Variants in TRNAU1AP observed in about 807,000 individuals in gnomAD.
The protein encoded by TRNAU1AP is tRNA selenocysteine 1 associated protein 1, also known as tRNA selenocysteine 1-associated protein 1.
In TRNAU1AP, 33 loss-of-function variants were observed where a neutral mutation model predicts 43.3. The ratio of observed to expected loss-of-function variants is 0.76; its 90% CI spans 0.58 to 1.02. The LOEUF is 1.02. TRNAU1AP is among the 50% of genes least tolerant of loss of function. The pLI is 0.00. For synonymous variants in TRNAU1AP, 143 were observed against 129.1 expected (o/e 1.11, Z -0.73); for missense variants, 290 against 362.7 (o/e 0.80, Z 1.63).
At chr1:28,561,308 C>T in intron 3 of TRNAU1AP, 38 bp from the exon 4 acceptor site, 2 of 1,613,230 alleles carry the variant, frequency 1.2e-6, no homozygotes, top group Non-Finnish European at 8.5e-7. Context: ...CTTGAAACAC[C>T]TTTCTCTGTT....
chr1:28,560,558 G>C, intron 2 of TRNAU1AP, 75 bp from the exon 3 acceptor site: 1 of 1,232,762 alleles, frequency 8.1e-7, no homozygotes, highest in Non-Finnish European at 1.2e-6. Flanking sequence ...TTATATGCGT[G>C]AGCCATCACG....
intron 2 of TRNAU1AP, among the ~76,000 whole-genome samples, chr1:28,558,873 C>T (rs187057541): frequency 4.6e-5 from 7 of 152,134 alleles, no homozygotes; most frequent in Non-Finnish European, 7.4e-5. Flanking sequence ...CGAAACTGGA[C>T]GTTTTCTTAC....
chr1:28,571,786 A>AAAAAAAAAAAAAAAATAAAATAAAAT, intron 7 of TRNAU1AP, 81 bp from the exon 8 acceptor site: 1 of 1,008,578 alleles, frequency 9.9e-7, no homozygotes, highest in Non-Finnish European at 1.5e-6. Context: ...CCACCTCAAA[A>AAAAAAAAAAAAAAAATAAAATAAAAT]AAAATAAAAA....
chr1:28,555,010 G>T (rs1386888259), intron 2 of TRNAU1AP, among the ~76,000 whole-genome samples: 1 of 151,908 alleles, frequency 6.6e-6, no homozygotes, highest in African/African-American at 2.4e-5. Context: ...AGGCGAGAAG[G>T]GTGGATCACC....
At chr1:28,558,062 ATTTT>A (rs998976595) in intron 2 of TRNAU1AP, among the ~76,000 whole-genome samples, 3 of 122,114 alleles carry the variant, frequency 2.5e-5, no homozygotes, top group Non-Finnish European at 3.3e-5. Context: ...TGCCTGGCTA[ATTTT>A]TTTTTTTTTT....
chr1:28,571,985 C>T, intron 8 of TRNAU1AP, 85 bp downstream of exon 8: 1 of 1,207,262 alleles, frequency 8.3e-7, no homozygotes, highest in South Asian at 1.2e-5. Flanking sequence ...AGAGGGAAGA[C>T]AAGATAAATT....
Position 28,553,721 on chromosome 1 carries a change from C to T in TRNAU1AP, c.109C>T (p.Arg37Ter), listed in dbSNP as rs1408755380. ...GACCGTAATGAGCGTCAAAATTATC[C>T]GAAACCGCCTCACTGGGTAAGTCTC... ...GETVMSVKII[R>*]NRLTGIPAGY... The change falls in exon 2 of 9, where the codon CGA (arginine) becomes TGA (stop). Residue 37 changes from arginine to a stop codon, truncating the protein, a stop_gained. Coordinates refer to ENST00000373830, the MANE Select transcript of TRNAU1AP (RefSeq NM_017846.5). LOFTEE classifies it high-confidence loss of function. 10 of 1,613,972 alleles carry T rather than the reference C, an allele frequency of 6.2e-6. No homozygotes were observed. Among genetic ancestry groups the T allele is most frequent in the African/African-American group, 5.3e-5 (4 of 74,912 alleles).
In TRNAU1AP at chr1:28,561,811, T is replaced by G. The variant is rs570817338; in HGVS notation, c.278+413T>G. Among the ~76,000 whole-genome samples, 31 of 151,732 alleles carry G rather than the reference T, an allele frequency of 2.0e-4. 1 individual carries two copies. The highest frequency in any genetic ancestry group is 7.2e-4 in the Admixed American group (11 of 15,212). On this transcript the variant is annotated intron_variant, in intron 4 of 8. Coordinates refer to ENST00000373830, the MANE Select transcript of TRNAU1AP (RefSeq NM_017846.5). Reference sequence around the variant, plus strand: ...AAAATGGCCGGGTGTGGTGGCTCACTCCTATAATCCCAGCACTTTGGGAGG... The same window carrying G: ...AAAATGGCCGGGTGTGGTGGCTCACGCCTATAATCCCAGCACTTTGGGAGG...
chr1:28,560,800 C>T, intron 3 of TRNAU1AP, 68 bp downstream of exon 3: 1 of 1,280,030 alleles, frequency 7.8e-7, no homozygotes, highest in Non-Finnish European at 1.1e-6. Context: ...TCTATTGAAT[C>T]CCTACTGTAT....
chr1:28,557,866 C>T (rs1160273152), intron 2 of TRNAU1AP, among the ~76,000 whole-genome samples: 2 of 151,506 alleles, frequency 1.3e-5, no homozygotes, highest in African/African-American at 2.4e-5. Flanking sequence ...GGATTACAGG[C>T]GTGAGCCACC....
intron 6 of TRNAU1AP, 111 bp downstream of exon 6, chr1:28,567,524 C>A: frequency 7.8e-7 from 1 of 1,288,742 alleles, no homozygotes; most frequent in Non-Finnish European, 1.0e-6. Context: ...GAAGGGGATC[C>A]AATTCAAGTC....
chr1:28,560,844 C>CA, intron 3 of TRNAU1AP, 112 bp downstream of exon 3: 1 of 984,206 alleles, frequency 1.0e-6, no homozygotes, highest in Non-Finnish European at 1.5e-6. Flanking sequence ...CAACCCTTTA[C>CA]AGTAGGCATT....
chr1:28,557,469 C>CTTTTTT (rs753718490), intron 2 of TRNAU1AP, among the ~76,000 whole-genome samples: 8 of 118,134 alleles, frequency 6.8e-5, no homozygotes, highest in Non-Finnish European at 1.3e-4. Context: ...TTACATGTTT[C>CTTTTTT]TTTTTTTTTT....
intron 6 of TRNAU1AP, among the ~76,000 whole-genome samples, chr1:28,568,725 A>G (rs1665593490): frequency 1.3e-5 from 2 of 152,092 alleles, no homozygotes; most frequent in East Asian, 3.8e-4. Context: ...GATACTGTTA[A>G]ACATCATGCA....
intron 2 of TRNAU1AP, among the ~76,000 whole-genome samples, chr1:28,555,699 C>T (rs190625887): frequency 5.9e-5 from 9 of 152,106 alleles, no homozygotes; most frequent in Admixed American, 4.6e-4. Context: ...TTGAAAGATA[C>T]TTTGTGTATT....
chr1:28,573,036 C>CA (rs1553123128), intron 8 of TRNAU1AP, among the ~76,000 whole-genome samples: 1 of 133,766 alleles, frequency 7.5e-6, no homozygotes, highest in Non-Finnish European at 1.6e-5. Context: ...TTTTCTTTTT[C>CA]TTTTTTTTTT....
intron 6 of TRNAU1AP, among the ~76,000 whole-genome samples, chr1:28,568,902 C>A (rs1412834176): frequency 6.6e-6 from 1 of 151,840 alleles, no homozygotes; most frequent in Non-Finnish European, 1.5e-5. Flanking sequence ...GCTTCCACCT[C>A]CCAGGTTCAA....
Position 28,577,963 on chromosome 1 carries a change from T to C in TRNAU1AP, c.*327T>C, listed in dbSNP as rs942411136. ...ACACACTAAAGCCTGAGTTCAAGGT[T>C]TCTCAGTTGACAGGTAGGTATGTAA... is the stretch of plus-strand genomic sequence containing the variant. On this transcript the variant is annotated 3_prime_UTR_variant, in exon 9 of 9. Transcript: ENST00000373830. 1 of 191,420 alleles carries C rather than the reference T, an allele frequency of 5.2e-6. No homozygotes were observed. The highest frequency in any genetic ancestry group is 2.4e-5 in the African/African-American group (1 of 42,238). 11.9% of individuals were successfully genotyped at this position (191,420 alleles called of 1,614,324 possible).
Position 28,567,369 on chromosome 1 carries a change from A to G in TRNAU1AP, c.486A>G (p.Gly162=). Residue 162 remains glycine, a synonymous_variant, in exon 6 of 9, where the codon GGA becomes GGG. Transcript: ENST00000373830. The part of the protein sequence containing the change: ...RALTECQGAV[G]LGSKPVRLSV... ...TGACGGAGTGCCAGGGAGCAGTGGG[A>G]CTGGGGTCTAAGCCTGTGCGGCTGA... 1.2e-6 allele frequency: 2 copies of G among 1,613,968 alleles called. No homozygotes were observed. The highest frequency in any genetic ancestry group is 1.7e-6 in the Non-Finnish European group (2 of 1,179,980).
Sources: allele counts gnomAD v4.1 joint callset (sites outside exome capture counted in the v4.1 genomes callset), GRCh38; gene constraint gnomAD v4.1.1; transcripts MANE v1.5; gene names NCBI Gene and HGNC (gene_info 2026-07-23, HGNC 2026-07-21).